Variants in GPC5 observed in about 807,000 individuals in gnomAD.
The protein encoded by GPC5 is glypican-5.
GPC5 carries 47 observed loss-of-function variants against 53.9 expected under a neutral mutation model. The ratio of observed to expected loss-of-function variants is 0.87; its 90% CI spans 0.69 to 1.11. The LOEUF (loss-of-function observed/expected upper bound fraction) is 1.11. GPC5 is among the 50% of genes most tolerant of loss of function. The pLI is 0.00. For missense variants in GPC5, 748 were observed against 713.1 expected, an observed-to-expected ratio of 1.05 and a Z score of -0.56; for synonymous variants, 286 against 263.3, an observed-to-expected ratio of 1.09 and a Z score of -0.84.
chr13:91,814,224 G>A (rs956819736), intron 5 of GPC5, among the ~76,000 whole-genome samples: 4 of 151,844 alleles, frequency 2.6e-5, no homozygotes, highest in Non-Finnish European at 4.4e-5. Context: ...GAGCCACTGC[G>A]CCCGGCTAAC....
rs71123404 is a variant in GPC5, at chr13:92,395,907, G to GT, written c.1561+250932dup. Among the ~76,000 whole-genome samples, 1,256 of 130,624 alleles carry GT rather than the reference G, an allele frequency of 9.6e-3. 8 individuals carry two copies. Among genetic ancestry groups the GT allele is most frequent in the Admixed American group, 0.016 (217 of 13,202 alleles). 85.7% of individuals were successfully genotyped at this position (130,624 alleles called of 152,430 possible). On this transcript the variant is annotated intron_variant, in intron 7 of 7. Transcript: ENST00000377067. ...ATCATATGTGTAGGTGTTTGTTTCTGTTTTTTTTTTTTTTGTATTTTTCTT... is the reference window on the plus strand; with the variant it reads ...ATCATATGTGTAGGTGTTTGTTTCTGTTTTTTTTTTTTTTTGTATTTTTCTT...
chr13:92,339,322 G>A (rs530086496), intron 7 of GPC5, among the ~76,000 whole-genome samples: 57 of 151,862 alleles, frequency 3.8e-4, no homozygotes, highest in African/African-American at 1.3e-3. Context: ...GTTAATTTTG[G>A]GGAATTGTTT....
At chr13:92,633,895 G>A (rs1166444141) in intron 7 of GPC5, among the ~76,000 whole-genome samples, 1 of 152,076 alleles carries the variant, frequency 6.6e-6, no homozygotes, top group African/African-American at 2.4e-5. Flanking sequence ...ATGTGTGCAT[G>A]TGTTCTTTTG....
At chr13:91,933,547 G>A (rs1320325144) in intron 6 of GPC5, among the ~76,000 whole-genome samples, 1 of 151,882 alleles carries the variant, frequency 6.6e-6, no homozygotes, top group Non-Finnish European at 1.5e-5. Context: ...TCCATGCAAT[G>A]AAGAAATGTT....
chr13:92,534,151 A>G (rs1003795647), intron 7 of GPC5, among the ~76,000 whole-genome samples: 20 of 152,138 alleles, frequency 1.3e-4, no homozygotes, highest in African/African-American at 4.6e-4. Context: ...ATAGCTGAGC[A>G]GAGTGCCACT....
intron 5 of GPC5, among the ~76,000 whole-genome samples, chr13:91,867,201 G>A (rs891712127): frequency 2.0e-5 from 3 of 152,198 alleles, no homozygotes; most frequent in Non-Finnish European, 4.4e-5. Flanking sequence ...GGAAACAAGA[G>A]TGAAACTCTG....
intron 7 of GPC5, among the ~76,000 whole-genome samples, chr13:92,499,853 G>C (rs1880116400): frequency 6.6e-6 from 1 of 152,092 alleles, no homozygotes; most frequent in South Asian, 2.1e-4. Flanking sequence ...CCTCAGCTTT[G>C]ACTCAATTTT....
chr13:92,600,441 A>T (rs1028159813), intron 7 of GPC5, among the ~76,000 whole-genome samples: 1 of 152,132 alleles, frequency 6.6e-6, no homozygotes. Context: ...AGATTCTGCC[A>T]GTTAAGAAAG....
intron 7 of GPC5, among the ~76,000 whole-genome samples, chr13:92,473,370 G>A (rs1878982956): frequency 6.6e-6 from 1 of 152,078 alleles, no homozygotes; most frequent in Non-Finnish European, 1.5e-5. Context: ...AGTGATTGAA[G>A]TCTTGTACCA....
chr13:92,553,175 C>G (rs1882376825), intron 7 of GPC5, among the ~76,000 whole-genome samples: 1 of 151,884 alleles, frequency 6.6e-6, no homozygotes, highest in African/African-American at 2.4e-5. Context: ...TAAATACAAC[C>G]TTCAGAAAAC....
intron 7 of GPC5, among the ~76,000 whole-genome samples, chr13:92,582,834 AT>A (rs989383273): frequency 1.1e-4 from 17 of 151,692 alleles, no homozygotes; most frequent in African/African-American, 3.9e-4. Context: ...TTGTATGTTG[AT>A]TTTTTTATCC....
chr13:92,219,454 G>A (rs1029018852), intron 7 of GPC5, among the ~76,000 whole-genome samples: 1 of 152,080 alleles, frequency 6.6e-6, no homozygotes, highest in African/African-American at 2.4e-5. Context: ...GGAAGCTAAG[G>A]CCGATTCGCA....
At chr13:91,496,673 G>C (rs191448317) in intron 2 of GPC5, among the ~76,000 whole-genome samples, 1 of 152,234 alleles carries the variant, frequency 6.6e-6, no homozygotes, top group Non-Finnish European at 1.5e-5. Context: ...GGTGAGGATG[G>C]TTAATGCATA....
At chr13:92,056,424 A>G (rs1186963736) in intron 6 of GPC5, among the ~76,000 whole-genome samples, 1 of 152,218 alleles carries the variant, frequency 6.6e-6, no homozygotes, top group East Asian at 1.9e-4. Flanking sequence ...ATGTGAGGTA[A>G]CATACTCACA....
At chr13:91,737,221 G>A (rs967911426) in intron 4 of GPC5, among the ~76,000 whole-genome samples, 5 of 151,440 alleles carry the variant, frequency 3.3e-5, no homozygotes, top group Non-Finnish European at 7.4e-5. Context: ...TTTCCTTAAA[G>A]TTTCAGTTTG....
chr13:92,253,871 G>A (rs2042708827), intron 7 of GPC5, among the ~76,000 whole-genome samples: 1 of 152,038 alleles, frequency 6.6e-6, no homozygotes, highest in Non-Finnish European at 1.5e-5. Context: ...GTCCCAAAAG[G>A]AATAAATTAG....
chr13:92,311,899 A>T (rs1465522060), intron 7 of GPC5, among the ~76,000 whole-genome samples: 2 of 152,156 alleles, frequency 1.3e-5, no homozygotes, highest in African/African-American at 4.8e-5. Context: ...TAAGGTGAGC[A>T]AAGGGTGAGG....
intron 3 of GPC5, among the ~76,000 whole-genome samples, chr13:91,703,956 T>C (rs1291329540): frequency 6.6e-6 from 1 of 152,198 alleles, no homozygotes; most frequent in Non-Finnish European, 1.5e-5. Context: ...TTTATTCTCT[T>C]ATGATCCTTT....
At chr13:91,410,628 G>C (rs886585679) in intron 1 of GPC5, among the ~76,000 whole-genome samples, 4 of 152,106 alleles carry the variant, frequency 2.6e-5, no homozygotes, top group South Asian at 2.1e-4. Context: ...TTACAGGCGT[G>C]AGCCACTACG....
Sources: gnomAD v4.1 joint callset for allele counts (sites outside exome capture counted in the v4.1 genomes callset) on GRCh38, gnomAD v4.1.1 for gene constraint, MANE v1.5 for transcripts, NCBI Gene and HGNC (gene_info 2026-07-23, HGNC 2026-07-21) for gene names.